MSTN: variants seen among roughly 807,000 people sequenced by gnomAD.
The protein encoded by MSTN is myostatin.
A neutral mutation model predicts 32.3 loss-of-function variants in MSTN; 12 were observed. The ratio of observed to expected loss-of-function variants is 0.37; its 90% confidence interval spans 0.24 to 0.60. MSTN has a LOEUF of 0.60. Among genes scored for constraint, MSTN ranks in the 20% least tolerant of loss-of-function variants. The pLI is 0.67. For synonymous variants in MSTN, 168 were observed against 155.1 expected (o/e 1.08, Z -0.62); for missense variants, 403 against 450.3 (o/e 0.89, Z 0.95).
chr2:190,057,045 G>A lies in MSTN; in HGVS notation c.*213C>T. 1.8e-6 allele frequency: 1 copy of A among 552,892 alleles called. No homozygotes were observed. Among genetic ancestry groups the A allele is most frequent in the South Asian group, 2.4e-5 (1 of 41,124 alleles). 34.2% of individuals were successfully genotyped at this position (552,892 alleles called of 1,614,324 possible). ...ATCTCCTTCTAGCTCAAAAACTCTGGAAATCATAAAACTTTCTTGTATGAT... is the reference window on the plus strand; with the variant it reads ...ATCTCCTTCTAGCTCAAAAACTCTGAAAATCATAAAACTTTCTTGTATGAT... On this transcript the variant is annotated 3_prime_UTR_variant, in exon 3 of 3. Coordinates refer to ENST00000260950, the MANE Select transcript of MSTN (RefSeq NM_005259.3).
intron 2 of MSTN, among the ~76,000 whole-genome samples, 197 bp downstream of exon 2, chr2:190,059,861 AAAGT>A (rs1685543178): frequency 1.3e-5 from 2 of 151,976 alleles, no homozygotes; most frequent in South Asian, 2.1e-4. Context: ...ATCTTGATGC[AAAGT>A]AAGAGTATCA....
At position 190,056,516 on chromosome 2, in the gene MSTN, G is replaced by A. The variant is rs72909336; in HGVS notation, c.*742C>T. The A allele has an allele frequency of 0.058, 8,841 of 152,552 alleles. 378 individuals carry two copies. Among genetic ancestry groups the A allele is most frequent in the Non-Finnish European group, 0.09 (6,130 of 67,976 alleles). The allele number at this position is 152,552 out of a possible 1,614,324, so 9.4% of individuals were successfully genotyped here. ...AAGATAATGCAGTTTCTCCAAGTATGCTACAGAATTGAAAGCCAACCTCTA... is the reference window on the plus strand; with the variant it reads ...AAGATAATGCAGTTTCTCCAAGTATACTACAGAATTGAAAGCCAACCTCTA... On this transcript the variant is annotated 3_prime_UTR_variant, in exon 3 of 3. Transcript: ENST00000260950.
rs62186768 is a variant in MSTN at position 190,059,284 on chromosome 2, A to C, written c.747+778T>G. ...AGAAGAGTAACCCTAAATTTGTACTAGGAATTAAAATGGTTTTTATTAATT... is the reference window on the plus strand; with the variant it reads ...AGAAGAGTAACCCTAAATTTGTACTCGGAATTAAAATGGTTTTTATTAATT... On this transcript the variant is annotated intron_variant, in intron 2 of 2. Coordinates refer to ENST00000260950, the MANE Select transcript of MSTN (RefSeq NM_005259.3). Among the ~76,000 whole-genome samples, 971 of 152,116 alleles carry C rather than the reference A, an allele frequency of 6.4e-3. 3 individuals are homozygous for C. The highest frequency in any genetic ancestry group is 0.01 in the Middle Eastern group (3 of 294).
At position 190,057,392 on chromosome 2, in the gene MSTN, G is replaced by C. The variant is rs1685465191; in HGVS notation, c.994C>G (p.Pro332Ala). The change falls in exon 3 of 3, where the codon CCC (proline) becomes GCC (alanine). Residue 332 changes from proline (P) to alanine (A), a missense_variant. Pro to Ala is a conservative substitution (Grantham distance 27). Coordinates refer to ENST00000260950, the MANE Select transcript of MSTN (RefSeq NM_005259.3). ...PHTHLVHQAN[P>A]RGSAGPCCTP... ...CAGCAAGGGCCTGCTGAACCTCTGG[G>C]GTTTGCTTGGTGTACCAGATGAGTA... 6.2e-7 allele frequency: 1 copy of C among 1,613,418 alleles called. No individual in the cohort carries two copies. The highest frequency in any genetic ancestry group is 8.5e-7 in the Non-Finnish European group (1 of 1,179,626).
At chr2:190,060,717 A>G (rs1455543836) in intron 1 of MSTN, among the ~76,000 whole-genome samples, 1 of 151,998 alleles carries the variant, frequency 6.6e-6, no homozygotes, top group African/African-American at 2.4e-5. Context: ...GAAGTAATGA[A>G]CGCTGAATGA....
At position 190,056,817 on chromosome 2, in the gene MSTN, C is replaced by A; in HGVS notation, c.*441G>T. On this transcript the variant is annotated 3_prime_UTR_variant, in exon 3 of 3. Transcript: ENST00000260950. ...AGTATACTACCATACAATATAAATT[C>A]AAGTGTTTAAGGATGATTCGAATGA... The A allele has an allele frequency of 5.5e-6, 1 of 181,408 alleles. No individual in the cohort carries two copies. Among genetic ancestry groups the A allele is most frequent in the South Asian group, 1.2e-4 (1 of 8,322 alleles). The allele number at this position is 181,408 out of a possible 1,614,324, so 11.2% of individuals were successfully genotyped here. A position where few individuals can be genotyped will look rare whatever the true frequency, so the allele number is the denominator to read the frequency against.
rs961385898 is a variant in MSTN at position 190,056,351 on chromosome 2, C to A, written c.*907G>T. On this transcript the variant is annotated 3_prime_UTR_variant, in exon 3 of 3. Transcript: ENST00000260950. Reference sequence around the variant, plus strand: ...TCTTTTTATACAATATTGATAGAGTCGATCATTTCTATTATTTTACCATAA... The same window carrying A: ...TCTTTTTATACAATATTGATAGAGTAGATCATTTCTATTATTTTACCATAA... 1 of 152,428 alleles carries A rather than the reference C, an allele frequency of 6.6e-6. No homozygotes were observed. Among genetic ancestry groups the A allele is most frequent in the African/African-American group, 2.4e-5 (1 of 41,396 alleles). 9.4% of individuals were successfully genotyped at this position (152,428 alleles called of 1,614,324 possible).
chr2:190,057,472 T>G lies in MSTN; in HGVS notation c.914A>C (p.Lys305Thr), dbSNP rs1222094986. The G allele has an allele frequency of 6.2e-7, 1 of 1,613,484 alleles. No individual in the cohort carries two copies. The highest frequency in any genetic ancestry group is 2.2e-5 in the East Asian group (1 of 44,886). Reference protein sequence around the residue: ...WDWIIAPKRYKANYCSGECEF... With the variant: ...WDWIIAPKRYTANYCSGECEF... ...ACACTCTCCAGAGCAGTAATTGGCCTTATATCTTTTAGGAGCGATAATCCA... is the reference window on the plus strand; with the variant it reads ...ACACTCTCCAGAGCAGTAATTGGCCGTATATCTTTTAGGAGCGATAATCCA... The change falls in exon 3 of 3, where the codon AAG becomes ACG. Residue 305 changes from lysine (K) to threonine (T), a missense_variant. Physicochemically the swap from Lys to Thr is moderately conservative, Grantham distance 78 (BLOSUM62 -1). Coordinates refer to ENST00000260950, the MANE Select transcript of MSTN (RefSeq NM_005259.3).
At chr2:190,057,910 TGGC>T (rs1057471843) in intron 2 of MSTN, among the ~76,000 whole-genome samples, 14 of 152,134 alleles carry the variant, frequency 9.2e-5, no homozygotes, top group Admixed American at 8.5e-4. Context: ...CCAGATTGCC[TGGC>T]ACATAATGGA....
chr2:190,057,849 C>T (rs1685478729), intron 2 of MSTN, among the ~76,000 whole-genome samples: 1 of 152,104 alleles, frequency 6.6e-6, no homozygotes, highest in East Asian at 1.9e-4. Context: ...TACAAATTCC[C>T]CTAAGGTCAG....
chr2:190,060,780 C>T (rs764105684), intron 1 of MSTN, among the ~76,000 whole-genome samples: 14 of 151,902 alleles, frequency 9.2e-5, no homozygotes, highest in Non-Finnish European at 1.6e-4. Context: ...GGAGGAACAA[C>T]CACTTAGAAT....
Position 190,060,266 on chromosome 2 carries a change from T to C in MSTN, c.543A>G (p.Lys181=). 2 of 1,613,208 alleles carry C rather than the reference T, an allele frequency of 1.2e-6. No homozygotes were observed. The highest frequency in any genetic ancestry group is 4.5e-5 in the East Asian group (2 of 44,862). ...VQILRLIKPM[K]DGTRYTGIRS... ...GGATTCCAGTATACCTTGTACCGTC[T>C]TTCATAGGTTTGATGAGTCTCAGGA... is the stretch of plus-strand genomic sequence containing the variant. Residue 181 remains lysine, a synonymous_variant, in exon 2 of 3, where the codon AAA becomes AAG. Coordinates refer to ENST00000260950, the MANE Select transcript of MSTN (RefSeq NM_005259.3).
intron 1 of MSTN, among the ~76,000 whole-genome samples, chr2:190,061,517 ATAGTACTATGGTCAAGG>A (rs1226739627): frequency 6.6e-6 from 1 of 152,018 alleles, no homozygotes; most frequent in Non-Finnish European, 1.5e-5. Flanking sequence ...ACTCTCAATA[ATAGTACTATGGTCAAGG>A]TACAAGGAGG....
intron 1 of MSTN, 103 bp downstream of exon 1, chr2:190,062,121 G>A (rs1575559429): frequency 1.6e-6 from 2 of 1,255,404 alleles, no homozygotes; most frequent in Non-Finnish European, 2.3e-6. Context: ...CTTACATACA[G>A]GCCAACAGCT....
chr2:190,062,722 G>T lies in MSTN; in HGVS notation c.-126C>A. The T allele has an allele frequency of 1.2e-6, 1 of 859,446 alleles. No individual in the cohort carries two copies. The highest frequency in any genetic ancestry group is 1.8e-6 in the Non-Finnish European group (1 of 562,486). 53.2% of individuals were successfully genotyped at this position (859,446 alleles called of 1,614,324 possible). ...GTCTGAGAGACAACTTGCCACACCA[G>T]TGAATCTTTTATACTGTATTCCAAG... On this transcript the variant is annotated 5_prime_UTR_variant, in exon 1 of 3. The change creates a new upstream start codon in the 5' untranslated region. Transcript: ENST00000260950.
In MSTN at chr2:190,060,098, A is replaced by G. The variant is rs113165572; in HGVS notation, c.711T>C (p.Leu237=). 9.3e-6 allele frequency: 15 copies of G among 1,612,762 alleles called. No homozygotes were observed. The African/African-American group carries it at 1.1e-4, about 11-fold the overall frequency. The change falls in exon 2 of 3, where the codon CTT becomes CTC. Residue 237 remains leucine, a synonymous_variant. Transcript: ENST00000260950. ...IKALDENGHD[L]AVTFPGPGED... is the part of the protein sequence containing the mutation. ...CTCCTGGTCCTGGGAAGGTTACAGC[A>G]AGATCATGACCATTCTCATCTAAAG...
intron 2 of MSTN, among the ~76,000 whole-genome samples, chr2:190,058,862 C>G (rs1685512624): frequency 6.6e-6 from 1 of 151,904 alleles, no homozygotes; most frequent in Non-Finnish European, 1.5e-5. Flanking sequence ...GGATTAAAAA[C>G]TACATATTTG....
chr2:190,059,023 T>C (rs916985595), intron 2 of MSTN, among the ~76,000 whole-genome samples: 13 of 151,604 alleles, frequency 8.6e-5, no homozygotes, highest in African/African-American at 2.7e-4. Context: ...TATACACATA[T>C]ATATAATAAA....
At position 190,056,667 on chromosome 2, in the gene MSTN, T is replaced by G. The variant is rs1049239210; in HGVS notation, c.*591A>C. 1.3e-5 allele frequency: 2 copies of G among 152,772 alleles called. No homozygotes were observed. The highest frequency in any genetic ancestry group is 1.3e-4 in the Admixed American group (2 of 15,286). The allele number at this position is 152,772 out of a possible 1,614,324, so 9.5% of individuals were successfully genotyped here. Reference sequence around the variant, plus strand: ...TTTTTATGTGATAAACCTGGTAGCCTCAGACATTCAGCCTATCGTATTAGC... The same window carrying G: ...TTTTTATGTGATAAACCTGGTAGCCGCAGACATTCAGCCTATCGTATTAGC... On this transcript the variant is annotated 3_prime_UTR_variant, in exon 3 of 3. Coordinates refer to ENST00000260950, the MANE Select transcript of MSTN (RefSeq NM_005259.3).
Sources: gnomAD v4.1 joint callset for allele counts (sites outside exome capture counted in the v4.1 genomes callset) on GRCh38, gnomAD v4.1.1 for gene constraint, MANE v1.5 for transcripts, NCBI Gene and HGNC (gene_info 2026-07-23, HGNC 2026-07-21) for gene names.